The following EXOC4 variants were observed in gnomAD, a reference collection of about 807,000 sequenced individuals.
EXOC4 encodes exocyst complex component 4.
EXOC4 carries 71 observed loss-of-function variants against 107.2 expected under a neutral mutation model. The ratio of observed to expected loss-of-function variants is 0.66; its 90% CI spans 0.55 to 0.81. The LOEUF is 0.81. EXOC4 is among the 30% of genes least tolerant of loss of function. The pLI is 0.00. For synonymous variants in EXOC4, 456 were observed against 441.2 expected, an observed-to-expected ratio of 1.03 and a Z score of -0.42; for missense variants, 1,108 against 1,189.6, an observed-to-expected ratio of 0.93 and a Z score of 1.01.
intron 3 of EXOC4, among the ~76,000 whole-genome samples, chr7:133,303,058 G>A (rs1483737502): frequency 6.6e-6 from 1 of 152,188 alleles, no homozygotes; most frequent in Non-Finnish European, 1.5e-5. Context: ...ACTGTCAGCG[G>A]TAGTCTGTTG....
chr7:133,344,499 G>A (rs1795740075), intron 5 of EXOC4, among the ~76,000 whole-genome samples: 1 of 152,156 alleles, frequency 6.6e-6, no homozygotes, highest in Non-Finnish European at 1.5e-5. Context: ...TGTTTTGGTA[G>A]CATCGGAAGG....
At chr7:133,894,401 G>C (rs1248760492) in intron 11 of EXOC4, among the ~76,000 whole-genome samples, 1 of 143,568 alleles carries the variant, frequency 7.0e-6, no homozygotes, top group Non-Finnish European at 1.5e-5. Context: ...AGAGTAATTT[G>C]ATGGTCTGAA....
intron 9 of EXOC4, among the ~76,000 whole-genome samples, chr7:133,549,981 A>G (rs777082177): frequency 1.6e-4 from 24 of 152,152 alleles, no homozygotes; most frequent in South Asian, 4.1e-4. Flanking sequence ...GATACTTTCC[A>G]TAGCCATAAG....
chr7:133,676,909 G>A (rs1425414834), intron 10 of EXOC4, among the ~76,000 whole-genome samples: 1 of 147,560 alleles, frequency 6.8e-6, no homozygotes, highest in Non-Finnish European at 1.5e-5. Flanking sequence ...TAAATTATTG[G>A]GGGGTATGTA....
intron 11 of EXOC4, among the ~76,000 whole-genome samples, chr7:133,862,724 A>G (rs1042118899): frequency 1.3e-5 from 2 of 152,208 alleles, no homozygotes; most frequent in African/African-American, 4.8e-5. Flanking sequence ...TACTATATAC[A>G]TATACATGCA....
chr7:133,581,243 A>G (rs1801261767), intron 9 of EXOC4, among the ~76,000 whole-genome samples: 1 of 152,220 alleles, frequency 6.6e-6, no homozygotes. Flanking sequence ...CTTATTTGAC[A>G]GCTGAAGAGA....
chr7:133,609,151 G>A (rs534928300), intron 9 of EXOC4, among the ~76,000 whole-genome samples: 5 of 152,170 alleles, frequency 3.3e-5, no homozygotes, highest in Non-Finnish European at 7.3e-5. Flanking sequence ...GGATATCTGA[G>A]TGTGGGGAAC....
intron 10 of EXOC4, among the ~76,000 whole-genome samples, chr7:133,760,331 T>C (rs1373864560): frequency 1.3e-5 from 2 of 152,306 alleles, no homozygotes; most frequent in East Asian, 3.9e-4. Context: ...CCCAGAAACT[T>C]TTCCAAAATA....
At chr7:133,970,855 A>T (rs79982240) in intron 14 of EXOC4, among the ~76,000 whole-genome samples, 1 of 146,930 alleles carries the variant, frequency 6.8e-6, no homozygotes, top group African/African-American at 2.6e-5. Context: ...GGTGAGCTAT[A>T]GAGTCACCAG....
chr7:133,752,038 A>G (rs1007976546), intron 10 of EXOC4, among the ~76,000 whole-genome samples: 1 of 147,736 alleles, frequency 6.8e-6, no homozygotes, highest in Non-Finnish European at 1.5e-5. Flanking sequence ...TGGTATGCCT[A>G]TAGTCCTAGC....
intron 10 of EXOC4, among the ~76,000 whole-genome samples, chr7:133,639,680 G>T (rs1030442275): frequency 2.0e-4 from 31 of 152,090 alleles, no homozygotes; most frequent in African/African-American, 5.8e-4. Flanking sequence ...AAGAGTAGTG[G>T]TTATGAACCT....
intron 4 of EXOC4, among the ~76,000 whole-genome samples, chr7:133,307,104 G>A (rs1794769952): frequency 6.6e-6 from 1 of 152,322 alleles, no homozygotes; most frequent in South Asian, 2.1e-4. Flanking sequence ...GACAAGAAGA[G>A]CACTGGAAGC....
intron 7 of EXOC4, among the ~76,000 whole-genome samples, chr7:133,444,540 G>A (rs567986235): frequency 6.6e-6 from 1 of 152,282 alleles, no homozygotes; most frequent in Non-Finnish European, 1.5e-5. Flanking sequence ...CACACATAGG[G>A]TAATTCCTTA....
At chr7:133,302,614 A>G (rs1336086555) in intron 3 of EXOC4, among the ~76,000 whole-genome samples, 1 of 152,172 alleles carries the variant, frequency 6.6e-6, no homozygotes, top group African/African-American at 2.4e-5. Context: ...AATAGACAGC[A>G]TTTACCAATT....
chr7:133,650,758 C>G (rs1207600762), intron 10 of EXOC4, among the ~76,000 whole-genome samples: 1 of 152,062 alleles, frequency 6.6e-6, no homozygotes, highest in African/African-American at 2.4e-5. Flanking sequence ...GCAACCTACC[C>G]TGCTGGATAT....
intron 10 of EXOC4, among the ~76,000 whole-genome samples, chr7:133,729,240 T>C (rs1249147566): frequency 6.6e-6 from 1 of 152,134 alleles, no homozygotes; most frequent in African/African-American, 2.4e-5. Context: ...TGAGAAGAAA[T>C]GTGGGAATGA....
At chr7:134,087,279 A>G in the EXOC4 span, among the ~76,000 whole-genome samples, 2 of 152,286 alleles carry the variant, frequency 1.3e-5, no homozygotes, top group Middle Eastern at 6.8e-3. Context: ...CTTCAGGCAG[A>G]ATAGGGGTGA....
In EXOC4 at chr7:133,488,219, G is replaced by A. The variant is rs748255452; in HGVS notation, c.1417+8081G>A. On this transcript the variant is annotated intron_variant, in intron 9 of 17. Transcript: ENST00000253861. ...CAGAAGAAATTTATGTAAACATGCA[G>A]GTAATGTGATATCTGGAAAATAAAA... Among the ~76,000 whole-genome samples, 6 of 152,082 alleles carry A rather than the reference G, an allele frequency of 3.9e-5. No homozygotes were observed. In the South Asian group the frequency reaches 1.2e-3, roughly 32 times the overall value.
At chr7:133,255,644 G>A (rs144482448) in intron 1 of EXOC4, among the ~76,000 whole-genome samples, 3 of 152,218 alleles carry the variant, frequency 2.0e-5, no homozygotes, top group Non-Finnish European at 2.9e-5. Flanking sequence ...TGGTGTTGGT[G>A]TTTGTATTTC....
Sources: allele counts gnomAD v4.1 joint callset (sites outside exome capture counted in the v4.1 genomes callset), GRCh38; gene constraint gnomAD v4.1.1; transcripts MANE v1.5; gene names NCBI Gene and HGNC (gene_info 2026-07-23, HGNC 2026-07-21).